The following LCLAT1 variants were observed in gnomAD, a reference collection of about 807,000 sequenced individuals.
The protein encoded by LCLAT1 is lysocardiolipin acyltransferase 1, also known as 1-AGP acyltransferase 8.
LCLAT1 carries 11 observed loss-of-function variants against 30.7 expected under a neutral mutation model. The ratio of observed to expected loss-of-function variants is 0.36; its 90% confidence interval spans 0.23 to 0.59. The LOEUF (loss-of-function observed/expected upper bound fraction) is 0.59. Among genes scored for constraint, LCLAT1 ranks in the 20% least tolerant of loss-of-function variants. The pLI, the probability that LCLAT1 is intolerant of heterozygous loss-of-function variation, is 0.77. For missense variants in LCLAT1, 402 were observed against 458.6 expected (o/e 0.88, Z 1.13); for synonymous variants, 155 against 151.3 (o/e 1.02, Z -0.18).
At chr2:30,525,296 C>T (rs772982057) in intron 1 of LCLAT1, among the ~76,000 whole-genome samples, 3 of 152,182 alleles carry the variant, frequency 2.0e-5, no homozygotes, top group Admixed American at 6.5e-5. Flanking sequence ...AGGCTGGTCT[C>T]GAACTCCTGG....
At chr2:30,615,460 G>A (rs1437536705) in intron 5 of LCLAT1, among the ~76,000 whole-genome samples, 1 of 152,122 alleles carries the variant, frequency 6.6e-6, no homozygotes, top group Non-Finnish European at 1.5e-5. Flanking sequence ...AAGTCATGAA[G>A]TCCTCAAATC....
At chr2:30,496,492 G>T (rs903733672) in intron 1 of LCLAT1, among the ~76,000 whole-genome samples, 18 of 152,142 alleles carry the variant, frequency 1.2e-4, no homozygotes, top group African/African-American at 3.6e-4. Flanking sequence ...CGTTCAGTAG[G>T]CTCAGAGATA....
intron 5 of LCLAT1, among the ~76,000 whole-genome samples, chr2:30,637,157 C>T (rs2609944): frequency 0.34 from 51,617 of 151,988 alleles, 9,259 homozygotes; most frequent in Non-Finnish European, 0.41. Context: ...GTGAGTGGCA[C>T]TGAGGAAAGG....
Position 30,473,001 on chromosome 2 carries a change from GA to G in LCLAT1, c.-5+25627del, listed in dbSNP as rs571290924. Among the ~76,000 whole-genome samples, 44 of 150,050 alleles carry G rather than the reference GA, an allele frequency of 2.9e-4. 1 individual carries two copies. In the South Asian group the frequency reaches 4.9e-3, roughly 17 times the overall value. On this transcript the variant is annotated intron_variant, in intron 1 of 5. Coordinates refer to ENST00000379509, the MANE Select transcript of LCLAT1 (RefSeq NM_001002257.3). ...ATGCCTTTCTGTCTTCTCTGGAGTT[GA>G]AAAAAAAATGATTTGTTGTCTCTGA...
intron 1 of LCLAT1, among the ~76,000 whole-genome samples, chr2:30,450,876 T>C (rs531801214): frequency 6.6e-6 from 1 of 152,228 alleles, no homozygotes; most frequent in East Asian, 1.9e-4. Flanking sequence ...TTCTTTAAAA[T>C]TGGAAACTTC....
chr2:30,554,937 T>C (rs1363786148), intron 3 of LCLAT1, among the ~76,000 whole-genome samples: 1 of 151,770 alleles, frequency 6.6e-6, no homozygotes, highest in Non-Finnish European at 1.5e-5. Flanking sequence ...GAAAAAAATA[T>C]ATATTTTCTT....
rs200417292 is a variant in LCLAT1 at position 30,568,196 on chromosome 2, T to C, written c.628+20T>C. 69 of 1,409,838 alleles carry C rather than the reference T, an allele frequency of 4.9e-5. No individual in the cohort carries two copies. Among genetic ancestry groups the C allele is most frequent in the Non-Finnish European group, 6.6e-5 (68 of 1,023,282 alleles). The allele number at this position is 1,409,838 out of a possible 1,614,324, so 87.3% of individuals were successfully genotyped here. A position where few individuals can be genotyped will look rare whatever the true frequency, so the allele number is the denominator to read the frequency against. On this transcript the variant is annotated intron_variant, in intron 5 of 5. Coordinates refer to ENST00000379509, the MANE Select transcript of LCLAT1 (RefSeq NM_001002257.3). ...GAGAAGGTAAGCACCCATTTCAAAA[T>C]GTACTTTTTAATAAAAGTGGCAAAA...
At chr2:30,568,983 A>G (rs1665649410) in intron 5 of LCLAT1, among the ~76,000 whole-genome samples, 1 of 152,182 alleles carries the variant, frequency 6.6e-6, no homozygotes, top group African/African-American at 2.4e-5. Context: ...GAGAAATATA[A>G]CGATCTGAAA....
intron 1 of LCLAT1, among the ~76,000 whole-genome samples, chr2:30,494,522 A>AT (rs1683997437): frequency 6.7e-6 from 1 of 149,548 alleles, no homozygotes; most frequent in African/African-American, 2.5e-5. Flanking sequence ...ATATAAACCT[A>AT]TATTTTTGCA....
At chr2:30,616,117 C>G (rs143229951) in intron 5 of LCLAT1, among the ~76,000 whole-genome samples, 1 of 152,142 alleles carries the variant, frequency 6.6e-6, no homozygotes, top group Non-Finnish European at 1.5e-5. Flanking sequence ...CAAGCTGTCA[C>G]ACCATGTGCA....
intron 5 of LCLAT1, among the ~76,000 whole-genome samples, chr2:30,610,353 A>G (rs1360323298): frequency 6.6e-6 from 1 of 151,368 alleles, no homozygotes; most frequent in Non-Finnish European, 1.5e-5. Flanking sequence ...CTTTTTGTGG[A>G]CAAATATTAG....
chr2:30,614,360 A>T (rs548108558), intron 5 of LCLAT1, among the ~76,000 whole-genome samples: 1 of 151,130 alleles, frequency 6.6e-6, no homozygotes, highest in African/African-American at 2.4e-5. Context: ...TTCTTAGTAC[A>T]TAACAAAATG....
chr2:30,461,927 C>T (rs1000251931), intron 1 of LCLAT1, among the ~76,000 whole-genome samples: 2 of 151,470 alleles, frequency 1.3e-5, no homozygotes, highest in East Asian at 1.9e-4. Context: ...CCCGCCACCA[C>T]GCCCGGCTAA....
At chr2:30,584,502 A>G (rs1371867480) in intron 5 of LCLAT1, among the ~76,000 whole-genome samples, 1 of 152,224 alleles carries the variant, frequency 6.6e-6, no homozygotes. Context: ...AAAGAGGGTT[A>G]AAGAATATCA....
intron 5 of LCLAT1, among the ~76,000 whole-genome samples, chr2:30,592,943 G>T (rs1666762470): frequency 6.6e-6 from 1 of 151,988 alleles, no homozygotes. Context: ...AATAATTCTT[G>T]CCTTCTAGCT....
intron 5 of LCLAT1, among the ~76,000 whole-genome samples, chr2:30,588,058 C>G (rs1187172372): frequency 1.3e-5 from 2 of 152,238 alleles, no homozygotes; most frequent in Non-Finnish European, 2.9e-5. Flanking sequence ...CTCTGACCCT[C>G]TGGTAGAAGC....
At chr2:30,511,262 GC>G (rs2148358521) in intron 1 of LCLAT1, among the ~76,000 whole-genome samples, 1 of 152,166 alleles carries the variant, frequency 6.6e-6, no homozygotes, top group Non-Finnish European at 1.5e-5. Flanking sequence ...TGATCTGACC[GC>G]CTCGGCCTCC....
At chr2:30,581,835 A>G (rs1007406844) in intron 5 of LCLAT1, among the ~76,000 whole-genome samples, 7 of 152,214 alleles carry the variant, frequency 4.6e-5, no homozygotes, top group African/African-American at 7.2e-5. Flanking sequence ...ATAGTGTTCT[A>G]TAACACTGTG....
At chr2:30,461,571 T>G (rs1419195502) in intron 1 of LCLAT1, among the ~76,000 whole-genome samples, 1 of 151,728 alleles carries the variant, frequency 6.6e-6, no homozygotes, top group Non-Finnish European at 1.5e-5. Flanking sequence ...CAGGTCTGAT[T>G]TTATCATCTT....
Sources: gnomAD v4.1 joint callset for allele counts (sites outside exome capture counted in the v4.1 genomes callset) on GRCh38, gnomAD v4.1.1 for gene constraint, MANE v1.5 for transcripts, NCBI Gene and HGNC (gene_info 2026-07-23, HGNC 2026-07-21) for gene names.